The following MCM6 variants were observed in gnomAD, a reference collection of about 807,000 sequenced individuals.
MCM6 encodes the protein DNA replication licensing factor MCM6.
In MCM6, 46 loss-of-function variants were observed where a neutral mutation model predicts 94.3. The ratio of observed to expected loss-of-function variants is 0.49; its 90% CI spans 0.39 to 0.62. MCM6 has a LOEUF of 0.62. MCM6 is among the 20% of genes least tolerant of loss of function. The pLI is 0.00. For synonymous variants in MCM6, 335 were observed against 351.9 expected (o/e 0.95, Z 0.54); for missense variants, 865 against 1,017.9 (o/e 0.85, Z 2.04).
chr2:135,847,510 C>G (rs989114545), intron 14 of MCM6, among the ~76,000 whole-genome samples: 3 of 152,154 alleles, frequency 2.0e-5, no homozygotes, highest in African/African-American at 7.2e-5. Context: ...GGGTAAAACC[C>G]AGGGGATTTA....
At chr2:135,843,142 T>C (rs1232302753) in intron 16 of MCM6, among the ~76,000 whole-genome samples, 1 of 152,002 alleles carries the variant, frequency 6.6e-6, no homozygotes. Flanking sequence ...AGAGGAGCTG[T>C]GAGGGGAGAG....
chr2:135,847,671 C>A (rs1219626723), intron 14 of MCM6, among the ~76,000 whole-genome samples: 1 of 152,196 alleles, frequency 6.6e-6, no homozygotes, highest in Non-Finnish European at 1.5e-5. Context: ...TCAAGTGATT[C>A]TCCTGCCTCA....
At chr2:135,853,029 G>T in intron 11 of MCM6, 114 bp from the exon 12 acceptor site, 1 of 851,460 alleles carries the variant, frequency 1.2e-6, no homozygotes, top group Non-Finnish European at 1.8e-6. Context: ...ACCACTTAAA[G>T]AAGTATTAAT....
chr2:135,869,262 G>A (rs1377078772), intron 3 of MCM6, among the ~76,000 whole-genome samples: 1 of 152,034 alleles, frequency 6.6e-6, no homozygotes, highest in Non-Finnish European at 1.5e-5. Context: ...CTAGCCAGTC[G>A]TGGTGGCGGG....
chr2:135,869,293 C>T (rs981100835), intron 3 of MCM6, among the ~76,000 whole-genome samples: 9 of 150,976 alleles, frequency 6.0e-5, no homozygotes, highest in African/African-American at 1.2e-4. Context: ...CCCAGCTACT[C>T]GGGGAGCCGA....
At position 135,868,838 on chromosome 2, in the gene MCM6, T is replaced by G. The variant is rs773494816; in HGVS notation, c.388A>C (p.Arg130=). ...CTGATGCGAGTGAGCAAACCAATTC[T>G]GGATGAGGTGAGCTCTCGAATCCTG... ...RHKIRELTSS[R]IGLLTRISGQ... is the part of the protein sequence containing the mutation. The change falls in exon 4 of 17, where the codon AGA becomes CGA. Residue 130 remains arginine, a synonymous_variant. Coordinates refer to ENST00000264156, the MANE Select transcript of MCM6 (RefSeq NM_005915.6). 6.2e-7 allele frequency: 1 copy of G among 1,614,152 alleles called. No homozygotes were observed. Among genetic ancestry groups the G allele is most frequent in the Admixed American group, 1.7e-5 (1 of 60,020 alleles).
At chr2:135,858,071 TC>T (rs1347281919) in intron 9 of MCM6, 67 bp from the exon 10 acceptor site, 4 of 1,446,092 alleles carry the variant, frequency 2.8e-6, no homozygotes, top group Non-Finnish European at 3.9e-6. Flanking sequence ...ACACTTGTAA[TC>T]CCAGCACTTT....
At chr2:135,842,321 C>G (rs1679589930) in intron 16 of MCM6, among the ~76,000 whole-genome samples, 1 of 152,120 alleles carries the variant, frequency 6.6e-6, no homozygotes, top group Admixed American at 6.6e-5. Flanking sequence ...TCAATAATCA[C>G]AGACTGATCT....
chr2:135,856,900 G>C lies in MCM6; in HGVS notation c.1471-17C>G. The C allele has an allele frequency of 1.3e-6, 2 of 1,599,708 alleles. No individual in the cohort carries two copies. Among genetic ancestry groups the C allele is most frequent in the African/African-American group, 2.7e-5 (2 of 74,242 alleles). ...CAGAGTAGCCTGACCACAAAAGAAAGAATCTTAACAGATTTAAATAGACAT... is the reference window on the plus strand; with the variant it reads ...CAGAGTAGCCTGACCACAAAAGAAACAATCTTAACAGATTTAAATAGACAT... On this transcript the variant is annotated splice_polypyrimidine_tract_variant and intron_variant, in intron 10 of 16. Transcript: ENST00000264156.
chr2:135,850,362 T>C (rs4988240), intron 13 of MCM6, among the ~76,000 whole-genome samples: 5,929 of 151,496 alleles, frequency 0.039, 378 homozygotes, highest in African/African-American at 0.14. Flanking sequence ...AGGTAAACTG[T>C]GTGTCATGGG....
Position 135,848,108 on chromosome 2 carries a change from T to G in MCM6, c.1998A>C (p.Leu666=). 1 of 1,609,120 alleles carries G rather than the reference T, an allele frequency of 6.2e-7. No homozygotes were observed. The highest frequency in any genetic ancestry group is 8.5e-7 in the Non-Finnish European group (1 of 1,175,482). Residue 666 remains leucine, a synonymous_variant, in exon 14 of 17, where the codon CTA becomes CTC. Coordinates refer to ENST00000264156, the MANE Select transcript of MCM6 (RefSeq NM_005915.6). ...IIRVETPDVN[L]DQEEEIQMEV... ...CCATCTGGATCTCTTCCTCTTGATC[T>G]AGATTGACATCAGGTGTTTCCACAC...
intron 16 of MCM6, among the ~76,000 whole-genome samples, chr2:135,842,073 C>G (rs1373110888): frequency 6.6e-6 from 1 of 152,080 alleles, no homozygotes; most frequent in Non-Finnish European, 1.5e-5. Context: ...CTACTGCACT[C>G]CAGTCTGGGC....
intron 13 of MCM6, among the ~76,000 whole-genome samples, chr2:135,850,500 G>C (rs550225987): frequency 1.1e-4 from 16 of 152,192 alleles, no homozygotes; most frequent in African/African-American, 3.6e-4. Context: ...GTCCCCTACA[G>C]GTGTTCCCTA....
intron 8 of MCM6, among the ~76,000 whole-genome samples, chr2:135,859,784 G>A (rs985674431): frequency 9.2e-5 from 14 of 151,876 alleles, no homozygotes; most frequent in Admixed American, 9.2e-4. Context: ...TGTATTTTCA[G>A]AGTTAATACC....
intron 13 of MCM6, among the ~76,000 whole-genome samples, chr2:135,850,199 A>T (rs1190338703): frequency 6.6e-6 from 1 of 152,204 alleles, no homozygotes; most frequent in African/African-American, 2.4e-5. Flanking sequence ...GACTGGGTTT[A>T]AACGTCGGCA....
At chr2:135,867,032 C>T (rs528443360) in intron 4 of MCM6, among the ~76,000 whole-genome samples, 155 of 152,202 alleles carry the variant, frequency 1.0e-3, no homozygotes, top group Admixed American at 1.6e-3. Context: ...AAAATGACTC[C>T]AAATATCTGT....
intron 6 of MCM6, 140 bp downstream of exon 6, chr2:135,865,992 C>T (rs1019048082): frequency 4.1e-6 from 4 of 980,450 alleles, no homozygotes; most frequent in Non-Finnish European, 5.9e-6. Flanking sequence ...ATCCCAGCTA[C>T]TCAGGAGGTT....
chr2:135,867,958 C>T (rs1360797977), intron 4 of MCM6, among the ~76,000 whole-genome samples: 1 of 151,884 alleles, frequency 6.6e-6, no homozygotes, highest in Non-Finnish European at 1.5e-5. Context: ...ACCCAGGAGG[C>T]GGAGCTTGCA....
intron 2 of MCM6, 81 bp downstream of exon 2, chr2:135,872,616 G>A (rs1352027663): frequency 2.8e-5 from 40 of 1,408,762 alleles, no homozygotes; most frequent in South Asian, 1.3e-4. Context: ...TGCTACACAA[G>A]TGAACACTTA....
Sources: allele counts gnomAD v4.1 joint callset (sites outside exome capture counted in the v4.1 genomes callset), GRCh38; gene constraint gnomAD v4.1.1; transcripts MANE v1.5; gene names NCBI Gene and HGNC (gene_info 2026-07-23, HGNC 2026-07-21).